Variants in SYN3 observed in about 807,000 individuals in gnomAD.
SYN3 encodes the protein synapsin-3.
SYN3 carries 35 observed loss-of-function variants against 65.8 expected under a neutral mutation model. The observed-to-expected ratio is 0.53, with a 90% CI of 0.41 to 0.70. The LOEUF is 0.70. Ranked by LOEUF, SYN3 falls within the 30% of genes least tolerant of loss-of-function variation. SYN3 has a pLI of 0.00. For synonymous variants in SYN3, 270 were observed against 292.9 expected (o/e 0.92, Z 0.80); for missense variants, 680 against 749.0 (o/e 0.91, Z 1.08).
chr22:32,839,493 C>T (rs577798914), intron 6 of SYN3, among the ~76,000 whole-genome samples: 12 of 152,218 alleles, frequency 7.9e-5, no homozygotes, highest in Middle Eastern at 3.4e-3. Flanking sequence ...ACACCATCAC[C>T]CTTCTGAGAT....
At chr22:32,578,456 C>T (rs2058887714) in intron 7 of SYN3, among the ~76,000 whole-genome samples, 1 of 152,022 alleles carries the variant, frequency 6.6e-6, no homozygotes, top group Non-Finnish European at 1.5e-5. Flanking sequence ...TGCCATGTAG[C>T]CCAGGTTGGT....
chr22:33,031,226 T>C (rs112874754), intron 1 of SYN3, among the ~76,000 whole-genome samples: 83 of 152,288 alleles, frequency 5.5e-4, no homozygotes, highest in African/African-American at 1.8e-3. Flanking sequence ...AATAGGTGTC[T>C]GAAACTCATC....
intron 6 of SYN3, among the ~76,000 whole-genome samples, chr22:32,732,358 C>T (rs1399632334): frequency 6.6e-6 from 1 of 152,218 alleles, no homozygotes; most frequent in African/African-American, 2.4e-5. Flanking sequence ...TGTAATTTTC[C>T]AAACGAAGAA....
intron 2 of SYN3, among the ~76,000 whole-genome samples, chr22:32,997,666 G>A (rs133928): frequency 0.25 from 37,928 of 151,996 alleles, 5,489 homozygotes; most frequent in Middle Eastern, 0.37. Flanking sequence ...CAGTGTAAAT[G>A]CTCCCACAAC....
chr22:32,990,301 AATCCATCCATCC>A (rs113493698), intron 2 of SYN3, among the ~76,000 whole-genome samples: 47 of 139,540 alleles, frequency 3.4e-4, no homozygotes, highest in East Asian at 1.7e-3. Context: ...TCCATCCATG[AATCCATCCATCC>A]ATCCATCCAT....
intron 4 of SYN3, among the ~76,000 whole-genome samples, chr22:32,884,989 C>A (rs2049250586): frequency 6.6e-6 from 1 of 152,156 alleles, no homozygotes. Flanking sequence ...CAGTTCCCTA[C>A]AGATGGACAG....
chr22:32,976,235 C>T (rs2052181816), intron 3 of SYN3, among the ~76,000 whole-genome samples: 3 of 152,196 alleles, frequency 2.0e-5, no homozygotes, highest in African/African-American at 7.2e-5. Flanking sequence ...AACTAGTATT[C>T]ATATGTAAAT....
intron 7 of SYN3, among the ~76,000 whole-genome samples, chr22:32,581,138 C>T (rs1353133600): frequency 6.6e-6 from 1 of 152,178 alleles, no homozygotes; most frequent in Non-Finnish European, 1.5e-5. Context: ...GAGACTGAGT[C>T]TCGCTCTGCC....
intron 3 of SYN3, among the ~76,000 whole-genome samples, chr22:32,979,393 G>C (rs2052306304): frequency 6.6e-6 from 1 of 152,118 alleles, no homozygotes; most frequent in Non-Finnish European, 1.5e-5. Context: ...AAAACCAGTA[G>C]ACATTGGGTT....
intron 6 of SYN3, among the ~76,000 whole-genome samples, chr22:32,689,749 G>A (rs1459795328): frequency 6.6e-6 from 1 of 152,152 alleles, no homozygotes; most frequent in Non-Finnish European, 1.5e-5. Context: ...TGGACTGAAT[G>A]TTTATGCCCT....
intron 6 of SYN3, among the ~76,000 whole-genome samples, chr22:32,612,169 T>C (rs1436684358): frequency 6.6e-6 from 1 of 152,202 alleles, no homozygotes; most frequent in Non-Finnish European, 1.5e-5. Flanking sequence ...ACATCTCTTA[T>C]AATAAACCAA....
chr22:32,913,163 A>ATT (rs748335496), intron 4 of SYN3, among the ~76,000 whole-genome samples: 12 of 144,474 alleles, frequency 8.3e-5, no homozygotes, highest in African/African-American at 1.8e-4. Context: ...AACTCTATTA[A>ATT]TTTTTTTTTT....
chr22:32,815,244 G>A (rs2047057745), intron 6 of SYN3, among the ~76,000 whole-genome samples: 1 of 152,204 alleles, frequency 6.6e-6, no homozygotes, highest in Non-Finnish European at 1.5e-5. Flanking sequence ...GCTACTGACA[G>A]CTTTGCTGCA....
chr22:32,676,496 A>G (rs2060443470), intron 6 of SYN3, among the ~76,000 whole-genome samples: 1 of 148,640 alleles, frequency 6.7e-6, no homozygotes, highest in Admixed American at 6.7e-5. Context: ...ACCAATCATA[A>G]CAGCTTCCAT....
chr22:32,600,813 G>A (rs1285106108), intron 6 of SYN3, among the ~76,000 whole-genome samples: 3 of 151,902 alleles, frequency 2.0e-5, no homozygotes, highest in African/African-American at 7.3e-5. Context: ...TCAGACTTCC[G>A]AGTAGCTGGT....
At chr22:32,710,635 A>AT in intron 6 of SYN3, among the ~76,000 whole-genome samples, 1 of 147,480 alleles carries the variant, frequency 6.8e-6, no homozygotes, top group Admixed American at 6.8e-5. Flanking sequence ...TCTGTCTCAA[A>AT]AAAAAAAAAA....
At chr22:32,770,735 T>C (rs1047050684) in intron 6 of SYN3, among the ~76,000 whole-genome samples, 1 of 152,034 alleles carries the variant, frequency 6.6e-6, no homozygotes, top group Non-Finnish European at 1.5e-5. Context: ...CTCTTAACAG[T>C]TCTGTGTCTC....
intron 6 of SYN3, among the ~76,000 whole-genome samples, chr22:32,771,858 A>C (rs2045780279): frequency 6.6e-6 from 1 of 152,216 alleles, no homozygotes; most frequent in East Asian, 1.9e-4. Context: ...AGACACTCAG[A>C]AACGAATCTA....
intron 3 of SYN3, among the ~76,000 whole-genome samples, chr22:32,962,425 C>T (rs894672868): frequency 2.6e-5 from 4 of 152,300 alleles, no homozygotes; most frequent in South Asian, 2.1e-4. Flanking sequence ...TGAGCCACTA[C>T]GCCCAGCCTA....
Sources: allele counts gnomAD v4.1 joint callset (sites outside exome capture counted in the v4.1 genomes callset), GRCh38; gene constraint gnomAD v4.1.1; transcripts MANE v1.5; gene names NCBI Gene and HGNC (gene_info 2026-07-23, HGNC 2026-07-21).